The following GNA13 variants were observed in gnomAD, a reference collection of about 807,000 sequenced individuals.
GNA13 encodes the protein G protein subunit alpha 13, also known as guanine nucleotide-binding protein subunit alpha-13.
A neutral mutation model predicts 33.5 loss-of-function variants in GNA13; 4 were observed. That is an observed-to-expected ratio of 0.12 (90% CI 0.06 to 0.27). The LOEUF is 0.27. Among genes scored for constraint, GNA13 ranks in the 10% least tolerant of loss-of-function variants. GNA13 has a pLI of 1.00. For synonymous variants in GNA13, 176 were observed against 183.8 expected (o/e 0.96, Z 0.34); for missense variants, 319 against 487.2 (o/e 0.65, Z 3.25).
intron 1 of GNA13, among the ~76,000 whole-genome samples, chr17:65,054,603 G>C (rs1052900726): frequency 6.6e-6 from 1 of 152,226 alleles, no homozygotes; most frequent in South Asian, 2.1e-4. Context: ...GAGCCACCAC[G>C]CCCAGCCTGA....
rs1906240881 is a variant in GNA13, at chr17:65,012,828, T to C, written c.*1429A>G. 4.6e-6 allele frequency: 1 copy of C among 218,334 alleles called. No individual in the cohort carries two copies. The highest frequency in any genetic ancestry group is 9.2e-6 in the Non-Finnish European group (1 of 108,634). 13.5% of individuals were successfully genotyped at this position (218,334 alleles called of 1,614,324 possible). ...GGAAAAGTAGAAAAGCTGTCAGACT[T>C]TTCAAGCTGTCGCCAGCCTTGGACT... On this transcript the variant is annotated 3_prime_UTR_variant, in exon 4 of 4. Coordinates refer to ENST00000439174, the MANE Select transcript of GNA13 (RefSeq NM_006572.6).
intron 2 of GNA13, among the ~76,000 whole-genome samples, chr17:65,050,110 T>C (rs1408513899): frequency 6.6e-6 from 1 of 152,122 alleles, no homozygotes; most frequent in East Asian, 1.9e-4. Context: ...CTGAAGACAA[T>C]GGTGAGCCAC....
Position 65,010,575 on chromosome 17 carries a change from C to T in GNA13, c.*3682G>A, listed in dbSNP as rs534085552. ...ACAAGGACAGATCATCTGTGATTAACAGAAGCGAACGCCTTAAAATGATGG... is the reference window on the plus strand; with the variant it reads ...ACAAGGACAGATCATCTGTGATTAATAGAAGCGAACGCCTTAAAATGATGG... On this transcript the variant is annotated 3_prime_UTR_variant, in exon 4 of 4. Transcript: ENST00000439174. 6.8e-5 allele frequency: 14 copies of T among 206,190 alleles called. No homozygotes were observed. The highest frequency in any genetic ancestry group is 2.5e-4 in the African/African-American group (11 of 44,026). 12.8% of individuals were successfully genotyped at this position (206,190 alleles called of 1,614,324 possible).
intron 2 of GNA13, among the ~76,000 whole-genome samples, chr17:65,052,741 G>A (rs759188438): frequency 6.6e-6 from 1 of 152,148 alleles, no homozygotes; most frequent in Non-Finnish European, 1.5e-5. Flanking sequence ...GGGTAGTCTC[G>A]TTAAAGAAAA....
chr17:65,045,486 C>G (rs1428776372), intron 2 of GNA13, among the ~76,000 whole-genome samples: 3 of 101,348 alleles, frequency 3.0e-5, no homozygotes, highest in Non-Finnish European at 1.8e-5. Flanking sequence ...CCAGCCTGGG[C>G]AACAGATCAA....
rs140010742 is a variant in GNA13, at chr17:65,013,913, C to T, written c.*344G>A. 3.4e-6 allele frequency: 1 copy of T among 293,806 alleles called. No homozygotes were observed. Among genetic ancestry groups the T allele is most frequent in the African/African-American group, 2.1e-5 (1 of 47,180 alleles). The allele number at this position is 293,806 out of a possible 1,614,324, so 18.2% of individuals were successfully genotyped here. A position where few individuals can be genotyped will look rare whatever the true frequency, so the allele number is the denominator to read the frequency against. On this transcript the variant is annotated 3_prime_UTR_variant, in exon 4 of 4. Coordinates refer to ENST00000439174, the MANE Select transcript of GNA13 (RefSeq NM_006572.6). ...TCATCCCTACAAGTATTTAAGGACACCTTTGATACTTGGCACTGCAGGAGA... is the reference window on the plus strand; with the variant it reads ...TCATCCCTACAAGTATTTAAGGACATCTTTGATACTTGGCACTGCAGGAGA...
At chr17:65,037,777 G>GAAAAAAAAAAACAAAAAAA (rs145051963) in intron 2 of GNA13, among the ~76,000 whole-genome samples, 1 of 82,040 alleles carries the variant, frequency 1.2e-5, no homozygotes, top group Non-Finnish European at 2.1e-5. Context: ...CTACAAAAAT[G>GAAAAAAAAAAACAAAAAAA]GAAAAAAAAA....
At chr17:65,038,267 G>A (rs773765106) in intron 2 of GNA13, among the ~76,000 whole-genome samples, 2 of 152,078 alleles carry the variant, frequency 1.3e-5, no homozygotes, top group African/African-American at 2.4e-5. Context: ...ACCGGGCCTG[G>A]TGGCACGTGC....
At chr17:65,050,946 A>G (rs1442784464) in intron 2 of GNA13, among the ~76,000 whole-genome samples, 1 of 152,204 alleles carries the variant, frequency 6.6e-6, no homozygotes, top group African/African-American at 2.4e-5. Context: ...AACAACAAGC[A>G]GGTCCTCATC....
At chr17:65,054,737 G>A (rs181701021) in intron 1 of GNA13, among the ~76,000 whole-genome samples, 228 of 152,242 alleles carry the variant, frequency 1.5e-3, no homozygotes, top group African/African-American at 5.1e-3. Flanking sequence ...TTAAGAACGA[G>A]GTGTTTACCA....
intron 3 of GNA13, among the ~76,000 whole-genome samples, 168 bp downstream of exon 3, chr17:65,018,085 C>T (rs1289263156): frequency 5.3e-5 from 2 of 38,008 alleles, no homozygotes. Flanking sequence ...AATCAGAACG[C>T]CACCACTAAA....
At chr17:65,024,855 G>A (rs1359273550) in intron 2 of GNA13, among the ~76,000 whole-genome samples, 1 of 152,188 alleles carries the variant, frequency 6.6e-6, no homozygotes, top group Non-Finnish European at 1.5e-5. Context: ...AAGAAATTTA[G>A]TTTAGTTTTA....
chr17:65,028,672 G>A (rs1299980069), intron 2 of GNA13, among the ~76,000 whole-genome samples: 1 of 152,136 alleles, frequency 6.6e-6, no homozygotes, highest in Non-Finnish European at 1.5e-5. Flanking sequence ...CTCAACACTA[G>A]GATGATAGCG....
chr17:65,012,456 TGATACCATGATACCACGAACATGCAC>T lies in GNA13; in HGVS notation c.*1775_*1800del, dbSNP rs1734717586. 4.5e-6 allele frequency: 1 copy of T among 220,150 alleles called. No homozygotes were observed. Among genetic ancestry groups the T allele is most frequent in the African/African-American group, 2.2e-5 (1 of 44,620 alleles). The allele number at this position is 220,150 out of a possible 1,614,324, so 13.6% of individuals were successfully genotyped here. A position where few individuals can be genotyped will look rare whatever the true frequency, so the allele number is the denominator to read the frequency against. ...GTAGAACTATTCAAACACGCATGAA[TGATACCATGATACCACGAACATGCAC>T]GATACCATGAACTTGCATCACGGTG... On this transcript the variant is annotated 3_prime_UTR_variant, in exon 4 of 4. Transcript: ENST00000439174.
intron 2 of GNA13, among the ~76,000 whole-genome samples, chr17:65,023,765 A>G (rs889492711): frequency 3.9e-5 from 6 of 152,240 alleles, no homozygotes; most frequent in African/African-American, 7.2e-5. Context: ...TTCCAACAGC[A>G]TCTTTCAGAC....
At chr17:65,047,903 T>C (rs746877542) in intron 2 of GNA13, among the ~76,000 whole-genome samples, 1 of 152,244 alleles carries the variant, frequency 6.6e-6, no homozygotes, top group Non-Finnish European at 1.5e-5. Flanking sequence ...AGGCCAATCA[T>C]GGAGCTAAAT....
chr17:65,017,987 G>A (rs1906431770), intron 3 of GNA13, among the ~76,000 whole-genome samples: 1 of 150,966 alleles, frequency 6.6e-6, no homozygotes, highest in Admixed American at 6.6e-5. Context: ...GAAGTGTCGT[G>A]ATTAAACAAT....
chr17:65,049,008 C>T (rs1389492488), intron 2 of GNA13, among the ~76,000 whole-genome samples: 2 of 152,116 alleles, frequency 1.3e-5, no homozygotes, highest in African/African-American at 2.4e-5. Context: ...ATTATAATTA[C>T]ACAAGAACTG....
intron 2 of GNA13, among the ~76,000 whole-genome samples, chr17:65,033,522 T>C (rs918915090): frequency 2.7e-4 from 41 of 151,840 alleles, no homozygotes; most frequent in African/African-American, 9.4e-4. Flanking sequence ...ATTAAAAAAA[T>C]TACAGCATAC....
Sources: gnomAD v4.1 joint callset for allele counts (sites outside exome capture counted in the v4.1 genomes callset) on GRCh38, gnomAD v4.1.1 for gene constraint, MANE v1.5 for transcripts, NCBI Gene and HGNC (gene_info 2026-07-23, HGNC 2026-07-21) for gene names.